ANKS1B: variants seen among roughly 807,000 people sequenced by gnomAD.
The protein encoded by ANKS1B is ankyrin repeat and sterile alpha motif domain-containing protein 1B.
A neutral mutation model predicts 148.3 loss-of-function variants in ANKS1B; 36 were observed. The observed-to-expected ratio is 0.24, with a 90% CI of 0.19 to 0.32. The LOEUF (loss-of-function observed/expected upper bound fraction) is 0.32. Ranked by LOEUF, ANKS1B falls within the 10% of genes least tolerant of loss-of-function variation. The pLI, the probability that ANKS1B is intolerant of heterozygous loss-of-function variation, is 1.00. For synonymous variants in ANKS1B, 542 were observed against 560.8 expected (o/e 0.97, Z 0.47); for missense variants, 1,157 against 1,542.6 (o/e 0.75, Z 4.19).
chr12:99,329,190 G>A (rs1360146210), intron 12 of ANKS1B, among the ~76,000 whole-genome samples: 1 of 151,876 alleles, frequency 6.6e-6, no homozygotes, highest in Non-Finnish European at 1.5e-5. Flanking sequence ...AGAGATAATA[G>A]CTGACATTTT....
intron 12 of ANKS1B, among the ~76,000 whole-genome samples, chr12:99,281,595 CCAG>C (rs1434177574): frequency 6.6e-6 from 1 of 152,104 alleles, no homozygotes; most frequent in Non-Finnish European, 1.5e-5. Flanking sequence ...TTAGCAAGCA[CCAG>C]CATACTTTTA....
At chr12:98,779,783 A>T (rs893673989) in intron 24 of ANKS1B, among the ~76,000 whole-genome samples, 1 of 152,212 alleles carries the variant, frequency 6.6e-6, no homozygotes, top group Non-Finnish European at 1.5e-5. Context: ...TAAAAAAGCA[A>T]ATCAATCAGC....
intron 6 of ANKS1B, among the ~76,000 whole-genome samples, chr12:99,778,124 G>A (rs368924518): frequency 1.9e-3 from 292 of 151,458 alleles, no homozygotes; most frequent in African/African-American, 5.9e-3. Flanking sequence ...GGTGTGAACC[G>A]GGGAGGCAGA....
intron 9 of ANKS1B, among the ~76,000 whole-genome samples, chr12:99,534,834 C>A (rs191061073): frequency 3.3e-5 from 5 of 151,316 alleles, no homozygotes; most frequent in Admixed American, 3.3e-4. Context: ...CTCAGCCTCC[C>A]GAGTAGCTGG....
Position 99,400,719 on chromosome 12 carries a change from C to G in ANKS1B, c.1576-908G>C, listed in dbSNP as rs1450713053. Among the ~76,000 whole-genome samples the G allele has an allele frequency of 1.0e-4, 15 of 144,738 alleles. 2 individuals carry two copies. The highest frequency in any genetic ancestry group is 9.1e-5 in the Non-Finnish European group (6 of 65,684). The allele number at this position is 144,738 out of a possible 152,430, so 95.0% of individuals were successfully genotyped here. On this transcript the variant is annotated intron_variant, in intron 11 of 26. Transcript: ENST00000683438. ...TATATTACTGAAATACTAAAAATCT[C>G]TTATAATAATTATAAGAGATCAAAT... is the stretch of plus-strand genomic sequence containing the variant.
chr12:98,811,676 C>G (rs993849063), intron 19 of ANKS1B, among the ~76,000 whole-genome samples: 5 of 152,172 alleles, frequency 3.3e-5, no homozygotes, highest in Admixed American at 6.5e-5. Context: ...ATTCCCTGTC[C>G]TTCTCCAGCA....
chr12:99,478,783 A>G (rs2096365808), intron 10 of ANKS1B, among the ~76,000 whole-genome samples: 2 of 152,132 alleles, frequency 1.3e-5, no homozygotes, highest in Non-Finnish European at 2.9e-5. Flanking sequence ...AAACTTTCTA[A>G]CAAACAATGA....
intron 17 of ANKS1B, among the ~76,000 whole-genome samples, chr12:98,867,860 C>CAAA (rs201913809): frequency 8.5e-6 from 1 of 117,206 alleles, no homozygotes. Context: ...GACTCCATCT[C>CAAA]AAAAAAAAAA....
At chr12:99,897,160 G>A (rs1315704424) in intron 1 of ANKS1B, among the ~76,000 whole-genome samples, 2 of 151,144 alleles carry the variant, frequency 1.3e-5, no homozygotes, top group African/African-American at 2.4e-5. Flanking sequence ...CCAGAGTCTC[G>A]GCTTATAGCT....
intron 9 of ANKS1B, among the ~76,000 whole-genome samples, chr12:99,533,094 T>C (rs977681852): frequency 2.6e-5 from 4 of 152,304 alleles, no homozygotes; most frequent in South Asian, 2.1e-4. Flanking sequence ...AGGAATTGTA[T>C]TGAATCTGTA....
intron 9 of ANKS1B, among the ~76,000 whole-genome samples, chr12:99,562,813 A>G (rs1567357874): frequency 6.6e-6 from 1 of 152,162 alleles, no homozygotes; most frequent in African/African-American, 2.4e-5. Context: ...GGGTATTACA[A>G]TTTGGATTAC....
At chr12:99,215,080 A>T (rs1601745214) in intron 14 of ANKS1B, among the ~76,000 whole-genome samples, 1 of 152,328 alleles carries the variant, frequency 6.6e-6, no homozygotes, top group African/African-American at 2.4e-5. Context: ...AGTTTTATTC[A>T]TTCACAAAGA....
Position 99,267,757 on chromosome 12 carries a change from T to C in ANKS1B, c.1757-20893A>G, listed in dbSNP as rs940883005. 2.0e-5 allele frequency among the ~76,000 whole-genome samples: 3 copies of C among 152,178 alleles called. No individual in the cohort carries two copies. In the East Asian group the frequency reaches 5.8e-4, roughly 29 times the overall value. On this transcript the variant is annotated intron_variant, in intron 12 of 26. Coordinates refer to ENST00000683438, the MANE Select transcript of ANKS1B (RefSeq NM_001352186.2). ...AGCTTCAGAGGAAGACAAAATAAAA[T>C]CTTTCCAGAAAAAGATGGAGCCTTG... is the stretch of plus-strand genomic sequence containing the variant.
intron 17 of ANKS1B, chr12:98,949,600 G>T (rs941967228): frequency 2.6e-5 from 4 of 152,178 alleles, no homozygotes; most frequent in Non-Finnish European, 5.9e-5. Context: ...TACTGCCTTA[G>T]GTTGTCTGTA....
intron 17 of ANKS1B, among the ~76,000 whole-genome samples, chr12:98,874,335 T>A (rs2099681605): frequency 6.6e-6 from 1 of 152,216 alleles, no homozygotes; most frequent in Non-Finnish European, 1.5e-5. Flanking sequence ...ATTTGATTGC[T>A]TTTCTGATGG....
chr12:99,076,648 G>A (rs1466709651), intron 16 of ANKS1B, among the ~76,000 whole-genome samples: 2 of 152,136 alleles, frequency 1.3e-5, no homozygotes, highest in African/African-American at 4.8e-5. Context: ...ATGACATCAG[G>A]AGGCTTGGGT....
intron 22 of ANKS1B, chr12:98,795,671 G>GA (rs1003166344): frequency 3.1e-5 from 14 of 449,336 alleles, no homozygotes; most frequent in Non-Finnish European, 4.9e-5. Flanking sequence ...TTTAAAAAGT[G>GA]AAAAAAACAA....
intron 22 of ANKS1B, among the ~76,000 whole-genome samples, chr12:98,791,581 A>G (rs891976456): frequency 2.0e-5 from 3 of 152,036 alleles, no homozygotes; most frequent in African/African-American, 7.3e-5. Flanking sequence ...GGATCTGGCT[A>G]TGTTGCCCCG....
At position 99,527,648 on chromosome 12, in the gene ANKS1B, C is replaced by T. The variant is rs573208062; in HGVS notation, c.1273-23007G>A. Among the ~76,000 whole-genome samples, 190 of 152,136 alleles carry T rather than the reference C, an allele frequency of 1.2e-3. 3 individuals carry two copies. Among genetic ancestry groups the T allele is most frequent in the Admixed American group, 1.3e-3 (20 of 15,270 alleles). On this transcript the variant is annotated intron_variant, in intron 9 of 26. Coordinates refer to ENST00000683438, the MANE Select transcript of ANKS1B (RefSeq NM_001352186.2). ...GGAAGAGTAGTTCAAGAGCATGAGCCCTTTAACTGGAGTCAGAATCCCAAC... is the reference window on the plus strand; with the variant it reads ...GGAAGAGTAGTTCAAGAGCATGAGCTCTTTAACTGGAGTCAGAATCCCAAC...
Sources: allele counts gnomAD v4.1 joint callset (sites outside exome capture counted in the v4.1 genomes callset), GRCh38; gene constraint gnomAD v4.1.1; transcripts MANE v1.5; gene names NCBI Gene and HGNC (gene_info 2026-07-23, HGNC 2026-07-21).